The following SNX13 variants were observed in gnomAD, a reference collection of about 807,000 sequenced individuals.
SNX13 encodes the protein sorting nexin 13.
Under a neutral mutation model 133.6 loss-of-function variants are expected in SNX13, and 45 were observed. The ratio of observed to expected loss-of-function variants is 0.34; its 90% confidence interval spans 0.27 to 0.43. SNX13 has a LOEUF of 0.43. Ranked by LOEUF, SNX13 falls within the 20% of genes least tolerant of loss-of-function variation. The pLI is 1.00. For synonymous variants in SNX13, 414 were observed against 373.9 expected (o/e 1.11, Z -1.24); for missense variants, 1,032 against 1,145.1 (o/e 0.90, Z 1.43).
intron 9 of SNX13, among the ~76,000 whole-genome samples, chr7:17,856,013 T>C (rs1423559619): frequency 2.0e-5 from 3 of 152,180 alleles, no homozygotes; most frequent in Admixed American, 6.5e-5. Flanking sequence ...TCACAGAAGA[T>C]TGGCAGTTGA....
At chr7:17,939,414 C>T (rs991016516) in intron 1 of SNX13, among the ~76,000 whole-genome samples, 1 of 152,212 alleles carries the variant, frequency 6.6e-6, no homozygotes, top group Non-Finnish European at 1.5e-5. Context: ...ACACCTACAC[C>T]TGCAGATACT....
intron 2 of SNX13, among the ~76,000 whole-genome samples, chr7:17,896,255 C>T (rs554645282): frequency 6.6e-5 from 10 of 152,236 alleles, no homozygotes; most frequent in African/African-American, 1.9e-4. Flanking sequence ...TGTTTCAGTA[C>T]ACAGTATCGT....
intron 20 of SNX13, among the ~76,000 whole-genome samples, chr7:17,809,460 C>T (rs138883968): frequency 1.1e-4 from 16 of 151,968 alleles, no homozygotes; most frequent in African/African-American, 3.6e-4. Context: ...AATACAGGAG[C>T]ACCCAGTTTC....
At chr7:17,849,073 C>G (rs1157133672) in intron 11 of SNX13, among the ~76,000 whole-genome samples, 2 of 152,170 alleles carry the variant, frequency 1.3e-5, no homozygotes, top group African/African-American at 2.4e-5. Context: ...TGAGGATTTA[C>G]AAAATTCATC....
intron 20 of SNX13, among the ~76,000 whole-genome samples, chr7:17,812,333 C>G (rs1012105354): frequency 1.3e-5 from 2 of 152,044 alleles, no homozygotes; most frequent in Non-Finnish European, 2.9e-5. Context: ...AGAAAGTGGG[C>G]GAACGATACG....
In SNX13 at chr7:17,791,801, C is replaced by G. The variant is rs186160598; in HGVS notation, c.*2244G>C. On this transcript the variant is annotated 3_prime_UTR_variant, in exon 26 of 26. Transcript: ENST00000428135. ...TTGACCAAGTCATTCAAAAAGTTATCTCTAATTTTAGCATGACCACAGCTC... is the reference window on the plus strand; with the variant it reads ...TTGACCAAGTCATTCAAAAAGTTATGTCTAATTTTAGCATGACCACAGCTC... 6.6e-6 allele frequency: 1 copy of G among 152,182 alleles called. No individual in the cohort carries two copies. Among genetic ancestry groups the G allele is most frequent in the Non-Finnish European group, 1.5e-5 (1 of 67,954 alleles). The allele number at this position is 152,182 out of a possible 1,614,324, so 9.4% of individuals were successfully genotyped here.
intron 17 of SNX13, among the ~76,000 whole-genome samples, chr7:17,822,526 C>T (rs1013717816): frequency 3.3e-5 from 5 of 152,070 alleles, no homozygotes; most frequent in Admixed American, 1.3e-4. Context: ...TTATTCTTGT[C>T]TTAGTATTTC....
chr7:17,837,014 A>G lies in SNX13; in HGVS notation c.1360-2149T>C, dbSNP rs188011112. On this transcript the variant is annotated intron_variant, in intron 13 of 25. Coordinates refer to ENST00000428135, the MANE Select transcript of SNX13 (RefSeq NM_015132.5). The stretch of plus-strand genomic sequence containing the variant: ...TTTAGGACATCTTTTATGCAGTGTT[A>G]CCACTGAATATAATCAAACATAAAA... Among the ~76,000 whole-genome samples the G allele has an allele frequency of 1.4e-3, 209 of 152,110 alleles. 2 individuals are homozygous for G. Among genetic ancestry groups the G allele is most frequent in the African/African-American group, 4.6e-3 (191 of 41,548 alleles).
intron 11 of SNX13, among the ~76,000 whole-genome samples, chr7:17,847,470 T>A (rs1388032689): frequency 6.6e-6 from 1 of 152,208 alleles, no homozygotes; most frequent in Non-Finnish European, 1.5e-5. Flanking sequence ...TAGCTCGGAT[T>A]ACAGGCATAT....
intron 1 of SNX13, among the ~76,000 whole-genome samples, chr7:17,916,702 G>C (rs547187331): frequency 8.6e-5 from 13 of 150,470 alleles, no homozygotes; most frequent in African/African-American, 2.9e-4. Context: ...CCCTGGACCA[G>C]ATGGATTCAC....
Position 17,891,554 on chromosome 7 carries a change from G to C in SNX13, c.310C>G (p.Leu104Val), listed in dbSNP as rs1358233630. The change falls in exon 4 of 26, where the codon CTC becomes GTC. Residue 104 changes from leucine (L) to valine (V), a missense_variant. Coordinates refer to ENST00000428135, the MANE Select transcript of SNX13 (RefSeq NM_015132.5). Reference protein sequence around the residue: ...LTGANIIDEPLQQVIQFSLRD... With the variant: ...LTGANIIDEPVQQVIQFSLRD... ...CACACGCTGAAACTCACTTGCTGGA[G>C]AGGTTCATCAATTATATTGGCACCC... The C allele has an allele frequency of 6.2e-7, 1 of 1,610,990 alleles. No individual in the cohort carries two copies. The highest frequency in any genetic ancestry group is 8.5e-7 in the Non-Finnish European group (1 of 1,177,800).
intron 9 of SNX13, among the ~76,000 whole-genome samples, chr7:17,859,922 A>AGACAC (rs1463616112): frequency 6.6e-6 from 1 of 152,118 alleles, no homozygotes; most frequent in Non-Finnish European, 1.5e-5. Context: ...ACTTAAGGTT[A>AGACAC]TTTCCACCTC....
chr7:17,841,098 G>C (rs1789816379), intron 12 of SNX13, among the ~76,000 whole-genome samples: 2 of 152,054 alleles, frequency 1.3e-5, no homozygotes, highest in South Asian at 4.1e-4. Context: ...CAAATATTCG[G>C]ATCTAGGCTC....
At chr7:17,798,617 A>C (rs758029924) in intron 24 of SNX13, 73 bp downstream of exon 24, 24 of 1,149,234 alleles carry the variant, frequency 2.1e-5, no homozygotes, top group Non-Finnish European at 2.6e-5. Context: ...AACAAAAGCA[A>C]TGAAAGTTAA....
intron 18 of SNX13, among the ~76,000 whole-genome samples, chr7:17,819,223 T>C (rs1407163911): frequency 6.6e-6 from 1 of 152,178 alleles, no homozygotes; most frequent in Non-Finnish European, 1.5e-5. Flanking sequence ...AGCTCATACA[T>C]TTAGCTTGGA....
At chr7:17,875,906 G>C (rs1794677846) in intron 5 of SNX13, 116 bp from the exon 6 acceptor site, 1 of 864,012 alleles carries the variant, frequency 1.2e-6, no homozygotes, top group Non-Finnish European at 1.7e-6. Context: ...AATTTAAATT[G>C]AGATTTTCAT....
chr7:17,913,822 C>T (rs1454412437), intron 1 of SNX13, among the ~76,000 whole-genome samples: 2 of 144,846 alleles, frequency 1.4e-5, no homozygotes, highest in African/African-American at 2.5e-5. Context: ...GGAACCAGCA[C>T]AAGAACTCCG....
At chr7:17,828,776 A>T (rs1788175956) in intron 16 of SNX13, among the ~76,000 whole-genome samples, 1 of 151,596 alleles carries the variant, frequency 6.6e-6, no homozygotes, top group South Asian at 2.1e-4. Flanking sequence ...CTTATTTGGA[A>T]AAGCATTTAT....
intron 5 of SNX13, chr7:17,889,555 T>G (rs554719319): frequency 1.3e-5 from 2 of 151,758 alleles, no homozygotes; most frequent in Non-Finnish European, 2.9e-5. Context: ...CAAAAATAAA[T>G]AATTTCTAGA....
Sources: allele counts gnomAD v4.1 joint callset (sites outside exome capture counted in the v4.1 genomes callset), GRCh38; gene constraint gnomAD v4.1.1; transcripts MANE v1.5; gene names NCBI Gene and HGNC (gene_info 2026-07-23, HGNC 2026-07-21).